Variants in USP24 observed in about 807,000 individuals in gnomAD.
USP24 encodes the protein ubiquitin specific peptidase 24, also known as ubiquitin carboxyl-terminal hydrolase 24.
In USP24, 97 loss-of-function variants were observed where a neutral mutation model predicts 361.6. That is an observed-to-expected ratio of 0.27 (90% CI 0.23 to 0.32). The LOEUF is 0.32. Ranked by LOEUF, USP24 falls within the 10% of genes least tolerant of loss-of-function variation. The pLI is 1.00. For missense variants in USP24, 2,353 were observed against 3,165.6 expected (o/e 0.74, Z 6.16); for synonymous variants, 1,098 against 1,124.6 (o/e 0.98, Z 0.47).
At chr1:55,103,132 C>T (rs1401161780) in intron 42 of USP24, among the ~76,000 whole-genome samples, 1 of 152,232 alleles carries the variant, frequency 6.6e-6, no homozygotes, top group Non-Finnish European at 1.5e-5. Flanking sequence ...TTCCCTCTCG[C>T]AGATCCCAAC....
intron 39 of USP24, among the ~76,000 whole-genome samples, chr1:55,108,708 T>C (rs1486025760): frequency 6.6e-6 from 1 of 152,232 alleles, no homozygotes; most frequent in Non-Finnish European, 1.5e-5. Flanking sequence ...TCTACATTAA[T>C]AACTCGTTCA....
At chr1:55,092,988 A>G (rs585203) in intron 52 of USP24, 72 bp from the exon 53 acceptor site, 703,616 of 939,500 alleles carry the variant, frequency 0.75, 269,852 homozygotes, top group East Asian at 0.9. Flanking sequence ...ATTTCTAATG[A>G]TATGTAAAAA....
rs1258956235 is a variant in USP24, at chr1:55,134,402, G to A, written c.3213C>T (p.Leu1071=). Residue 1071 remains leucine, a synonymous_variant, in exon 29 of 68, where the codon CTC becomes CTT. Coordinates refer to ENST00000294383, the MANE Select transcript of USP24 (RefSeq NM_015306.3). ...ATACGAGAGCCATCACTACACCAGG[G>A]AGGGATTTCTCCTGATGGAAAAAAG... ...SSYAMEQEKS[L]PGVVMALVCN... The A allele has an allele frequency of 1.9e-6, 3 of 1,610,594 alleles. No individual in the cohort carries two copies. Among genetic ancestry groups the A allele is most frequent in the Non-Finnish European group, 1.7e-6 (2 of 1,177,422 alleles).
intron 2 of USP24, among the ~76,000 whole-genome samples, chr1:55,176,730 T>G (rs1650020215): frequency 6.6e-6 from 1 of 152,196 alleles, no homozygotes; most frequent in Non-Finnish European, 1.5e-5. Flanking sequence ...CATTTCCATG[T>G]CAGAGTAACT....
Position 55,095,332 on chromosome 1 carries a change from C to T in USP24, c.6126G>A (p.Val2042=). Residue 2042 remains valine, a synonymous_variant, in exon 51 of 68, where the codon GTG becomes GTA. Coordinates refer to ENST00000294383, the MANE Select transcript of USP24 (RefSeq NM_015306.3). The part of the protein sequence containing the change: ...WNAYMLFYQR[V]SDQNSPVLPK... ...GTAATACTGGGGAGTTCTGATCAGA[C>T]ACCCTTTGGTAGAAAAGCATATAGG... The T allele has an allele frequency of 6.2e-7, 1 of 1,613,532 alleles. No individual in the cohort carries two copies. The highest frequency in any genetic ancestry group is 1.3e-5 in the African/African-American group (1 of 75,054).
At chr1:55,125,800 A>AT (rs148068514) in intron 32 of USP24, 42 bp from the exon 33 acceptor site, 72 of 1,465,176 alleles carry the variant, frequency 4.9e-5, no homozygotes, top group Middle Eastern at 1.8e-4. Context: ...AAAGACTTCT[A>AT]TTTTTTTTCA....
intron 1 of USP24, among the ~76,000 whole-genome samples, chr1:55,184,575 C>T (rs1644073606): frequency 6.6e-6 from 1 of 152,084 alleles, no homozygotes; most frequent in Non-Finnish European, 1.5e-5. Context: ...ACACTATAAA[C>T]CAAATAGACC....
intron 10 of USP24, 145 bp downstream of exon 10, chr1:55,158,733 A>G: frequency 1.4e-6 from 1 of 727,400 alleles, no homozygotes; most frequent in African/African-American, 1.8e-5. Flanking sequence ...AATTATATAC[A>G]ACATTTTATA....
intron 6 of USP24, among the ~76,000 whole-genome samples, chr1:55,166,227 C>T (rs1168753761): frequency 6.6e-6 from 1 of 151,490 alleles, no homozygotes; most frequent in East Asian, 1.9e-4. Context: ...TTGTACTACA[C>T]ATATTAATTT....
rs745685708 is a variant in USP24 at position 55,154,126 on chromosome 1, A to G, written c.1805T>C (p.Ile602Thr). ...RSYIIKCIED[I>T]KRPGEWSGLE... ...ATAAAAGCTGAAACCAACCCTCTTA[A>G]TATCTTCTATGCACTTGATGATGTA... is the stretch of plus-strand genomic sequence containing the variant. Residue 602 changes from isoleucine (I) to threonine (T), a missense_variant, in exon 15 of 68, where the codon ATT becomes ACT. By Grantham distance (89) the Ile-to-Thr change is moderately conservative. Transcript: ENST00000294383. 18 of 1,613,406 alleles carry G rather than the reference A, an allele frequency of 1.1e-5. No individual in the cohort carries two copies. The highest frequency in any genetic ancestry group is 2.5e-6 in the Non-Finnish European group (3 of 1,179,656).
At chr1:55,127,517 G>A (rs572579503) in intron 32 of USP24, among the ~76,000 whole-genome samples, 46 of 152,104 alleles carry the variant, frequency 3.0e-4, no homozygotes, top group African/African-American at 1.0e-3. Context: ...GAATAGTGCC[G>A]CAATAAACAT....
chr1:55,161,589 C>T (rs1401866989), intron 8 of USP24, among the ~76,000 whole-genome samples: 1 of 152,054 alleles, frequency 6.6e-6, no homozygotes, highest in African/African-American at 2.4e-5. Context: ...GGTCCACAGA[C>T]TTATTTATAA....
At chr1:55,171,498 G>GA in intron 5 of USP24, 58 bp downstream of exon 5, 2 of 1,536,020 alleles carry the variant, frequency 1.3e-6, no homozygotes, top group Non-Finnish European at 8.8e-7. Context: ...TTATAGCACA[G>GA]AAAATCTTCT....
chr1:55,121,603 C>G, intron 36 of USP24, 97 bp from the exon 37 acceptor site: 1 of 972,130 alleles, frequency 1.0e-6, no homozygotes, highest in Non-Finnish European at 1.6e-6. Flanking sequence ...TAAGCATAAG[C>G]TCTTCTCTTT....
intron 42 of USP24, among the ~76,000 whole-genome samples, chr1:55,102,997 C>T (rs552702449): frequency 6.6e-6 from 1 of 152,298 alleles, no homozygotes; most frequent in East Asian, 1.9e-4. Context: ...CCTCTATGTT[C>T]TGTAATACTT....
At chr1:55,175,564 T>A (rs1207370557) in intron 3 of USP24, among the ~76,000 whole-genome samples, 1 of 152,204 alleles carries the variant, frequency 6.6e-6, no homozygotes, top group African/African-American at 2.4e-5. Flanking sequence ...ATTACCCATC[T>A]GTAGTTCTAG....
intron 56 of USP24, among the ~76,000 whole-genome samples, chr1:55,084,685 C>G (rs556244840): frequency 6.6e-6 from 1 of 152,180 alleles, no homozygotes. Context: ...AAGTACTTTA[C>G]AAGATAAAGT....
At chr1:55,092,701 CT>C (rs1557547460) in intron 53 of USP24, 119 bp downstream of exon 53, 1 of 724,756 alleles carries the variant, frequency 1.4e-6, no homozygotes, top group Non-Finnish European at 2.2e-6. Flanking sequence ...ACGGGAAAAC[CT>C]TTTTGCATCT....
At chr1:55,168,082 A>T (rs1466860422) in intron 5 of USP24, among the ~76,000 whole-genome samples, 1 of 152,174 alleles carries the variant, frequency 6.6e-6, no homozygotes, top group Non-Finnish European at 1.5e-5. Flanking sequence ...ATAGAGGTGA[A>T]GGAGTCAACA....
Sources: allele counts gnomAD v4.1 joint callset (sites outside exome capture counted in the v4.1 genomes callset), GRCh38; gene constraint gnomAD v4.1.1; transcripts MANE v1.5; gene names NCBI Gene and HGNC (gene_info 2026-07-23, HGNC 2026-07-21).